KIRREL3: variants seen among roughly 807,000 people sequenced by gnomAD.
KIRREL3 encodes the protein kin of IRRE-like protein 3.
In KIRREL3, 36 loss-of-function variants were observed where a neutral mutation model predicts 89.7. The ratio of observed to expected loss-of-function variants is 0.40; its 90% CI spans 0.31 to 0.53. KIRREL3 has a LOEUF of 0.53. Among genes scored for constraint, KIRREL3 ranks in the 20% least tolerant of loss-of-function variants. The probability of loss-of-function intolerance (pLI) is 0.49; values close to 1 mark genes in which losing one functional copy is unlikely to be tolerated. For synonymous variants in KIRREL3, 445 were observed against 441.4 expected (o/e 1.01, Z -0.10); for missense variants, 864 against 1,056.6 (o/e 0.82, Z 2.53).
chr11:126,628,503 T>C lies in KIRREL3; in HGVS notation c.56-65591A>G, dbSNP rs541775815. On this transcript the variant is annotated intron_variant, in intron 1 of 16. Transcript: ENST00000525144. This position sits in a 1 kb window ranked among gnomAD's most constrained non-coding sequence, Gnocchi z 5.2. ...AATGTTTGCTGAGCAGGAAGAACAG[T>C]ATATCCCGTTCTCCTAGCTCTCAAA... Among the ~76,000 whole-genome samples, 6 of 152,316 alleles carry C rather than the reference T, an allele frequency of 3.9e-5. No homozygotes were observed. The East Asian group carries it at 7.7e-4, about 20-fold the overall frequency.
chr11:126,781,032 G>C (rs1012774588), intron 1 of KIRREL3, among the ~76,000 whole-genome samples: 7 of 152,206 alleles, frequency 4.6e-5, no homozygotes, highest in African/African-American at 1.7e-4. Flanking sequence ...CAGAGGCAGG[G>C]ACCAGGAAGC....
intron 1 of KIRREL3, among the ~76,000 whole-genome samples, chr11:126,746,275 G>C (rs934355274): frequency 6.6e-6 from 1 of 152,338 alleles, no homozygotes; most frequent in East Asian, 1.9e-4. Context: ...TAATCAGCGT[G>C]TGGTTTATTA....
chr11:126,435,165 C>T (rs767022402), intron 13 of KIRREL3, 103 bp downstream of exon 13: 24 of 1,199,984 alleles, frequency 2.0e-5, no homozygotes, highest in African/African-American at 6.0e-5. Context: ...GAGACACTAG[C>T]GGCCAGCACA....
chr11:126,589,288 G>A (rs1023661659), intron 1 of KIRREL3, among the ~76,000 whole-genome samples: 11 of 152,228 alleles, frequency 7.2e-5, no homozygotes, highest in Non-Finnish European at 2.9e-5. Flanking sequence ...CAGCGTCTGC[G>A]TGCAGGGGAA....
In KIRREL3 at chr11:126,684,190, T is replaced by C. The variant is rs1379595535; in HGVS notation, c.56-121278A>G. Among the ~76,000 whole-genome samples, 4 of 152,102 alleles carry C rather than the reference T, an allele frequency of 2.6e-5. No individual in the cohort carries two copies. The highest frequency in any genetic ancestry group is 2.1e-4 in the South Asian group (1 of 4,830). ...TGATGGGAAGGAGGTGTGTGCAATATGGTGGGAGGAGCCGGGCTGGAGGCT... is the reference window on the plus strand; with the variant it reads ...TGATGGGAAGGAGGTGTGTGCAATACGGTGGGAGGAGCCGGGCTGGAGGCT... On this transcript the variant is annotated intron_variant, in intron 1 of 16. Coordinates refer to ENST00000525144, the MANE Select transcript of KIRREL3 (RefSeq NM_032531.4). The surrounding 1 kb of genome is among the most constrained non-coding windows in gnomAD (Gnocchi z 4.2).
chr11:126,481,177 A>G (rs1000884081), intron 4 of KIRREL3, among the ~76,000 whole-genome samples: 4 of 152,204 alleles, frequency 2.6e-5, no homozygotes, highest in Non-Finnish European at 5.9e-5. Flanking sequence ...GATAAGTACT[A>G]GAAGGAAAGT....
chr11:126,964,546 T>C (rs117390336), intron 1 of KIRREL3, among the ~76,000 whole-genome samples: 4,631 of 152,242 alleles, frequency 0.03, 102 homozygotes, highest in Non-Finnish European at 0.042. Context: ...TTAGAAACAC[T>C]ACAATAATCT....
chr11:126,865,964 C>T (rs1175745261), intron 1 of KIRREL3, among the ~76,000 whole-genome samples: 1 of 152,134 alleles, frequency 6.6e-6, no homozygotes, highest in African/African-American at 2.4e-5. Flanking sequence ...AATACAGTAG[C>T]CAGCCCAGTA....
Position 126,976,170 on chromosome 11 carries a change from T to C in KIRREL3, c.55+24285A>G, listed in dbSNP as rs1334600170. 6.6e-6 allele frequency among the ~76,000 whole-genome samples: 1 copy of C among 152,028 alleles called. No homozygotes were observed. The highest frequency in any genetic ancestry group is 1.5e-5 in the Non-Finnish European group (1 of 68,016). On this transcript the variant is annotated intron_variant, in intron 1 of 16. Transcript: ENST00000525144. This position sits in a 1 kb window ranked among gnomAD's most constrained non-coding sequence, Gnocchi z 4.2. ...GCCACATTGTTAGCTCATATTGAGA[T>C]TTCAATAAGATAACACTCCTCCAAT...
At chr11:126,815,960 A>G (rs1319190723) in intron 1 of KIRREL3, among the ~76,000 whole-genome samples, 1 of 152,248 alleles carries the variant, frequency 6.6e-6, no homozygotes, top group East Asian at 1.9e-4. Flanking sequence ...AAGTTCTTAC[A>G]GATCCAGAGC....
At chr11:126,855,444 G>T (rs1317429827) in intron 1 of KIRREL3, among the ~76,000 whole-genome samples, 4 of 152,064 alleles carry the variant, frequency 2.6e-5, no homozygotes, top group African/African-American at 9.7e-5. Context: ...ATGCTTCCTG[G>T]ACAGCCTGCA....
chr11:126,840,337 C>T (rs1026770324), intron 1 of KIRREL3, among the ~76,000 whole-genome samples: 3 of 152,098 alleles, frequency 2.0e-5, no homozygotes, highest in South Asian at 2.1e-4. Flanking sequence ...GAACATTCAG[C>T]GCCCAGGGTC....
At chr11:126,998,896 A>T (rs528729918) in intron 1 of KIRREL3, among the ~76,000 whole-genome samples, 1 of 150,846 alleles carries the variant, frequency 6.6e-6, no homozygotes, top group East Asian at 2.0e-4. Flanking sequence ...GTGAACTGGT[A>T]AGAAGCAAAG....
intron 2 of KIRREL3, chr11:126,549,961 A>G (rs1325558691): frequency 1.3e-5 from 2 of 152,222 alleles, no homozygotes; most frequent in Non-Finnish European, 2.9e-5. Context: ...TCCAGAAGCC[A>G]TGCTGGACAC....
At chr11:126,933,418 C>T (rs1948042004) in intron 1 of KIRREL3, among the ~76,000 whole-genome samples, 1 of 151,348 alleles carries the variant, frequency 6.6e-6, no homozygotes, top group Non-Finnish European at 1.5e-5. Context: ...CGTTATCTGC[C>T]TTAGGGGAAC....
At chr11:126,631,561 A>G (rs12294672) in intron 1 of KIRREL3, among the ~76,000 whole-genome samples, 3,588 of 152,200 alleles carry the variant, frequency 0.024, 40 homozygotes, top group Middle Eastern at 0.088. Flanking sequence ...GTGAGGAGAG[A>G]ACACCCTGAG....
chr11:126,994,213 G>A lies in KIRREL3; in HGVS notation c.55+6242C>T, dbSNP rs10893610. ...GGTGTGTGCGTGTGTGTGTGTGTATGTGTTCAGTAGGGGGTCAGGAGGGCG... is the reference window on the plus strand; with the variant it reads ...GGTGTGTGCGTGTGTGTGTGTGTATATGTTCAGTAGGGGGTCAGGAGGGCG... On this transcript the variant is annotated intron_variant, in intron 1 of 16. Transcript: ENST00000525144. The surrounding 1 kb of genome is among the most constrained non-coding windows in gnomAD (Gnocchi z 5.2). Among the ~76,000 whole-genome samples, 1,938 of 151,918 alleles carry A rather than the reference G, an allele frequency of 0.013. 50 individuals are homozygous for A. The highest frequency in any genetic ancestry group is 0.12 in the East Asian group (612 of 5,174).
chr11:126,540,071 T>C (rs780315767), intron 2 of KIRREL3, among the ~76,000 whole-genome samples: 10 of 152,060 alleles, frequency 6.6e-5, no homozygotes, highest in Non-Finnish European at 1.5e-4. Flanking sequence ...TAGACTGGGA[T>C]TGGAAATATA....
chr11:126,925,318 G>A (rs1184258386), intron 1 of KIRREL3, among the ~76,000 whole-genome samples: 2 of 152,228 alleles, frequency 1.3e-5, no homozygotes, highest in African/African-American at 4.8e-5. Context: ...CAGCCTGGTG[G>A]CAGAAGGCCC....
Sources: allele counts gnomAD v4.1 joint callset (sites outside exome capture counted in the v4.1 genomes callset), GRCh38; gene constraint gnomAD v4.1.1; non-coding constraint Gnocchi (gnomAD v3.1); transcripts MANE v1.5; gene names NCBI Gene and HGNC (gene_info 2026-07-23, HGNC 2026-07-21).